DLGAP1: variants seen among roughly 807,000 people sequenced by gnomAD.
DLGAP1 encodes the protein DLG associated protein 1.
A neutral mutation model predicts 90.8 loss-of-function variants in DLGAP1; 11 were observed. That is an observed-to-expected ratio of 0.12 (90% CI 0.08 to 0.20). The LOEUF is 0.20. Among genes scored for constraint, DLGAP1 ranks in the 10% least tolerant of loss-of-function variants. The pLI is 1.00. For synonymous variants in DLGAP1, 558 were observed against 540.7 expected, an observed-to-expected ratio of 1.03 and a Z score of -0.44; for missense variants, 1,050 against 1,333.8, an observed-to-expected ratio of 0.79 and a Z score of 3.31.
chr18:4,096,792 T>A (rs976216247), intron 2 of DLGAP1, among the ~76,000 whole-genome samples: 1 of 152,224 alleles, frequency 6.6e-6, no homozygotes, highest in Non-Finnish European at 1.5e-5. Flanking sequence ...TGGGTTAACG[T>A]CCTGGCTTGT....
chr18:4,236,873 T>A (rs953898460), intron 1 of DLGAP1, among the ~76,000 whole-genome samples: 1 of 152,190 alleles, frequency 6.6e-6, no homozygotes, highest in Non-Finnish European at 1.5e-5. Context: ...TTAGCAAACA[T>A]TTATTGAGCA....
chr18:4,049,912 G>GTCCATCCA (rs57986910), intron 2 of DLGAP1, among the ~76,000 whole-genome samples: 7,379 of 148,766 alleles, frequency 0.05, 225 homozygotes, highest in Non-Finnish European at 0.07. Context: ...CCATCCAACG[G>GTCCATCCA]TCCATCCATC....
chr18:4,179,992 GTCT>G (rs2077179463), intron 1 of DLGAP1, among the ~76,000 whole-genome samples: 1 of 152,094 alleles, frequency 6.6e-6, no homozygotes, highest in Non-Finnish European at 1.5e-5. Flanking sequence ...TTATAAATAA[GTCT>G]TCTATTCTGA....
chr18:3,739,819 T>C (rs2062823751), intron 6 of DLGAP1, among the ~76,000 whole-genome samples: 1 of 152,158 alleles, frequency 6.6e-6, no homozygotes, highest in Admixed American at 6.5e-5. Context: ...GAAAATTGAA[T>C]ATGGAACTAG....
At chr18:4,185,460 T>A (rs1310646312) in intron 1 of DLGAP1, among the ~76,000 whole-genome samples, 1 of 152,098 alleles carries the variant, frequency 6.6e-6, no homozygotes, top group African/African-American at 2.4e-5. Flanking sequence ...CCTCTGTATT[T>A]ATCCATGTGT....
intron 1 of DLGAP1, among the ~76,000 whole-genome samples, chr18:4,367,486 G>T (rs930203359): frequency 6.6e-6 from 1 of 151,888 alleles, no homozygotes; most frequent in Non-Finnish European, 1.5e-5. Flanking sequence ...TCAGTATAAA[G>T]AATCAAGTTA....
At position 3,847,850 on chromosome 18, in the gene DLGAP1, G is replaced by A. The variant is rs546207400; in HGVS notation, c.957+31262C>T. ...AAGCCCAGAATGAAATGAGGTTTGTGAATTTTAAAAAGAGACAAGGGCCAG... is the reference window on the plus strand; with the variant it reads ...AAGCCCAGAATGAAATGAGGTTTGTAAATTTTAAAAAGAGACAAGGGCCAG... On this transcript the variant is annotated intron_variant, in intron 4 of 12. Coordinates refer to ENST00000315677, the MANE Select transcript of DLGAP1 (RefSeq NM_004746.4). Among the ~76,000 whole-genome samples the A allele has an allele frequency of 5.3e-5, 8 of 152,210 alleles. No individual in the cohort carries two copies. The East Asian group carries it at 1.5e-3, about 29-fold the overall frequency.
intron 1 of DLGAP1, among the ~76,000 whole-genome samples, chr18:4,270,558 T>C (rs1259272325): frequency 2.0e-5 from 3 of 152,214 alleles, no homozygotes; most frequent in African/African-American, 7.2e-5. Context: ...AAACTAATAA[T>C]TTTTAATGTT....
chr18:4,419,702 A>T (rs1427324286), intron 1 of DLGAP1, among the ~76,000 whole-genome samples: 2 of 152,146 alleles, frequency 1.3e-5, no homozygotes, highest in Non-Finnish European at 2.9e-5. Context: ...CAGTGGGATT[A>T]TAATATTTGT....
At chr18:4,325,931 C>T (rs745525070) in intron 1 of DLGAP1, among the ~76,000 whole-genome samples, 3 of 152,046 alleles carry the variant, frequency 2.0e-5, no homozygotes, top group Non-Finnish European at 2.9e-5. Flanking sequence ...CTAGGAAACA[C>T]CATTCTAAAC....
chr18:4,080,649 G>A (rs1485850535), intron 2 of DLGAP1, among the ~76,000 whole-genome samples: 1 of 152,154 alleles, frequency 6.6e-6, no homozygotes, highest in African/African-American at 2.4e-5. Context: ...TCTGCGGGCT[G>A]CTCCCTGGGA....
At chr18:4,154,331 CT>C (rs994126647) in intron 1 of DLGAP1, among the ~76,000 whole-genome samples, 3 of 149,866 alleles carry the variant, frequency 2.0e-5, no homozygotes, top group South Asian at 2.1e-4. Context: ...TGGCCTCCGC[CT>C]TTTTTTTTAA....
At chr18:3,748,225 T>C (rs1439003843) in intron 5 of DLGAP1, among the ~76,000 whole-genome samples, 2 of 152,152 alleles carry the variant, frequency 1.3e-5, no homozygotes, top group Admixed American at 1.3e-4. Context: ...GTACAACCAA[T>C]AATGGGAAGT....
intron 3 of DLGAP1, among the ~76,000 whole-genome samples, chr18:3,884,036 T>A (rs1426542019): frequency 6.6e-6 from 1 of 152,148 alleles, no homozygotes; most frequent in Non-Finnish European, 1.5e-5. Flanking sequence ...ATGATACCTG[T>A]GGATAAGGAA....
rs192147238 is a variant in DLGAP1, at chr18:4,195,320, C to T, written c.-266-44033G>A. Among the ~76,000 whole-genome samples, 432 of 152,124 alleles carry T rather than the reference C, an allele frequency of 2.8e-3. 8 individuals are homozygous for T. The highest frequency in any genetic ancestry group is 1.1e-3 in the Non-Finnish European group (75 of 68,002). Reference sequence around the variant, plus strand: ...AGCAACTATGCTTGGATAAACAAGCCATTTGAGGAAACAATACGCATCTTT... The same window carrying T: ...AGCAACTATGCTTGGATAAACAAGCTATTTGAGGAAACAATACGCATCTTT... On this transcript the variant is annotated intron_variant, in intron 1 of 12. Coordinates refer to ENST00000315677, the MANE Select transcript of DLGAP1 (RefSeq NM_004746.4).
At chr18:3,570,765 C>CA (rs1226138793) in intron 8 of DLGAP1, among the ~76,000 whole-genome samples, 1 of 151,336 alleles carries the variant, frequency 6.6e-6, no homozygotes, top group Non-Finnish European at 1.5e-5. Flanking sequence ...CCTGTCTCTA[C>CA]AAAAAATAAG....
At chr18:3,934,044 G>A (rs1333552039) in intron 3 of DLGAP1, among the ~76,000 whole-genome samples, 1 of 152,144 alleles carries the variant, frequency 6.6e-6, no homozygotes, top group Non-Finnish European at 1.5e-5. Context: ...AGCCATGCAA[G>A]GAGGGCAGTC....
At chr18:3,546,175 GC>G (rs1219444350) in intron 9 of DLGAP1, among the ~76,000 whole-genome samples, 2 of 152,132 alleles carry the variant, frequency 1.3e-5, no homozygotes, top group Non-Finnish European at 2.9e-5. Flanking sequence ...TGTAACCTCA[GC>G]AGTTGGGAAG....
At chr18:3,793,383 C>A (rs748634053) in intron 5 of DLGAP1, among the ~76,000 whole-genome samples, 15 of 152,224 alleles carry the variant, frequency 9.9e-5, no homozygotes, top group Non-Finnish European at 1.8e-4. Context: ...CCTCCAATTT[C>A]TTCTCGATAG....
Sources: allele counts gnomAD v4.1 joint callset (sites outside exome capture counted in the v4.1 genomes callset), GRCh38; gene constraint gnomAD v4.1.1; transcripts MANE v1.5; gene names NCBI Gene and HGNC (gene_info 2026-07-23, HGNC 2026-07-21).